STIM1: variants seen among roughly 807,000 people sequenced by gnomAD.
The protein encoded by STIM1 is stromal interaction molecule 1.
Under a neutral mutation model 74.7 loss-of-function variants are expected in STIM1, and 25 were observed. That is an observed-to-expected ratio of 0.33 (90% confidence interval 0.24 to 0.47). The LOEUF (loss-of-function observed/expected upper bound fraction) is 0.47. STIM1 is among the 20% of genes least tolerant of loss of function. STIM1 has a pLI of 1.00. For missense variants in STIM1, 728 were observed against 920.8 expected, an observed-to-expected ratio of 0.79 and a Z score of 2.71; for synonymous variants, 328 against 348.8, an observed-to-expected ratio of 0.94 and a Z score of 0.66.
chr11:3,882,297 C>T (rs1471597577), intron 1 of STIM1, among the ~76,000 whole-genome samples: 1 of 151,546 alleles, frequency 6.6e-6, no homozygotes, highest in African/African-American at 2.4e-5. Flanking sequence ...CGGGGTTTCT[C>T]CATGTTGGCC....
chr11:4,000,774 A>G (rs1355645649), intron 2 of STIM1, among the ~76,000 whole-genome samples: 3 of 150,104 alleles, frequency 2.0e-5, no homozygotes, highest in Non-Finnish European at 4.5e-5. Context: ...GGCTTCAGAC[A>G]ATCAAACTAC....
At chr11:3,979,292 GC>G (rs2093478994) in intron 2 of STIM1, among the ~76,000 whole-genome samples, 1 of 152,100 alleles carries the variant, frequency 6.6e-6, no homozygotes, top group African/African-American at 2.4e-5. Flanking sequence ...CTCCCGGAAA[GC>G]CCATGTTGTA....
At chr11:4,020,332 A>G (rs2093944172) in intron 2 of STIM1, among the ~76,000 whole-genome samples, 1 of 152,126 alleles carries the variant, frequency 6.6e-6, no homozygotes, top group Non-Finnish European at 1.5e-5. Flanking sequence ...GGATTTCTGG[A>G]TCATATGGTA....
rs1183064601 is a variant in STIM1, at chr11:4,068,077, T to C, written c.614-1949T>C. On this transcript the variant is annotated intron_variant, in intron 5 of 12. Coordinates refer to ENST00000526596, the MANE Select transcript of STIM1 (RefSeq NM_001382567.1). ...TGGATATTTGTATATTTAAGTGGAG[T>C]CAAAACTAGTTGAAGGAATCCAGTG... 2.0e-5 allele frequency among the ~76,000 whole-genome samples: 3 copies of C among 152,208 alleles called. No homozygotes were observed. In the East Asian group the frequency reaches 5.8e-4, roughly 29 times the overall value.
chr11:3,893,302 T>A (rs2091952533), intron 1 of STIM1, among the ~76,000 whole-genome samples: 1 of 152,256 alleles, frequency 6.6e-6, no homozygotes, highest in African/African-American at 2.4e-5. Flanking sequence ...TGTTTTTGAA[T>A]GAATAAATGA....
At chr11:4,081,780 C>T (rs1391208441) in intron 7 of STIM1, among the ~76,000 whole-genome samples, 1 of 152,194 alleles carries the variant, frequency 6.6e-6, no homozygotes, top group Non-Finnish European at 1.5e-5. Context: ...AGATTCCTGA[C>T]CAGTGCTTTT....
chr11:3,899,110 A>G (rs1277779113), intron 1 of STIM1, among the ~76,000 whole-genome samples: 5 of 152,218 alleles, frequency 3.3e-5, no homozygotes, highest in Admixed American at 3.3e-4. Context: ...CTTGGGCAGC[A>G]TGGCCATTTT....
intron 1 of STIM1, among the ~76,000 whole-genome samples, chr11:3,948,083 C>T (rs1298557802): frequency 6.6e-6 from 1 of 152,158 alleles, no homozygotes; most frequent in Non-Finnish European, 1.5e-5. Context: ...TAGAAGAGCT[C>T]TTATGAGGTG....
At chr11:4,016,055 A>T (rs559106365) in intron 2 of STIM1, among the ~76,000 whole-genome samples, 1 of 152,306 alleles carries the variant, frequency 6.6e-6, no homozygotes, top group African/African-American at 2.4e-5. Context: ...TCAACTCGTT[A>T]AACTCATCCT....
chr11:4,025,554 C>T (rs1464611283), intron 3 of STIM1, among the ~76,000 whole-genome samples: 1 of 152,152 alleles, frequency 6.6e-6, no homozygotes, highest in Non-Finnish European at 1.5e-5. Flanking sequence ...TTTTGGCTTT[C>T]TTATTTTTCT....
chr11:4,005,354 C>A (rs372309277), intron 2 of STIM1, among the ~76,000 whole-genome samples: 39 of 152,210 alleles, frequency 2.6e-4, no homozygotes, highest in Middle Eastern at 3.4e-3. Flanking sequence ...CAATGATAGA[C>A]TGGATTAAGA....
At chr11:3,992,891 A>C (rs188225881) in intron 2 of STIM1, among the ~76,000 whole-genome samples, 1 of 152,264 alleles carries the variant, frequency 6.6e-6, no homozygotes, top group African/African-American at 2.4e-5. Flanking sequence ...ATAATTCATA[A>C]TTTTTCCTCA....
Position 3,995,979 on chromosome 11 carries a change from T to G in STIM1, c.271-27894T>G, listed in dbSNP as rs1359309388. 1.2e-4 allele frequency among the ~76,000 whole-genome samples: 18 copies of G among 152,252 alleles called. No individual in the cohort carries two copies. The South Asian group carries it at 3.5e-3, about 30-fold the overall frequency. On this transcript the variant is annotated intron_variant, in intron 2 of 12. Coordinates refer to ENST00000526596, the MANE Select transcript of STIM1 (RefSeq NM_001382567.1). ...CCAGCTGTCTCTTTCCCTAGTTATC[T>G]CCAGCAAATTCTCTAGTCTACAGTT...
chr11:3,991,604 T>C (rs1269672483), intron 2 of STIM1, among the ~76,000 whole-genome samples: 1 of 152,060 alleles, frequency 6.6e-6, no homozygotes, highest in Non-Finnish European at 1.5e-5. Context: ...TATACAGTAA[T>C]GGAATTGCTG....
At chr11:4,016,979 G>A (rs965396122) in intron 2 of STIM1, among the ~76,000 whole-genome samples, 4 of 152,212 alleles carry the variant, frequency 2.6e-5, no homozygotes, top group African/African-American at 7.2e-5. Flanking sequence ...AGTCACTCAC[G>A]GCTTCCCTTT....
At chr11:3,957,583 G>A (rs779809068) in intron 1 of STIM1, among the ~76,000 whole-genome samples, 2 of 151,382 alleles carry the variant, frequency 1.3e-5, no homozygotes, top group Non-Finnish European at 2.9e-5. Context: ...GTTGAGACAG[G>A]TTCTTGCTTT....
intron 1 of STIM1, among the ~76,000 whole-genome samples, chr11:3,906,078 G>C (rs933795211): frequency 7.2e-5 from 11 of 152,228 alleles, no homozygotes; most frequent in African/African-American, 2.4e-4. Flanking sequence ...GGCCCTAGCT[G>C]CTGTGTGCTA....
At chr11:3,891,669 A>G (rs2091900630) in intron 1 of STIM1, among the ~76,000 whole-genome samples, 1 of 152,220 alleles carries the variant, frequency 6.6e-6, no homozygotes, top group Admixed American at 6.5e-5. Flanking sequence ...TCTTCATTTC[A>G]TTAAAAAAAG....
In STIM1 at chr11:4,059,389, T is replaced by C. The variant is rs780791958; in HGVS notation, c.606T>C (p.Pro202=). The C allele has an allele frequency of 1.2e-6, 2 of 1,613,838 alleles. No homozygotes were observed. The highest frequency in any genetic ancestry group is 2.2e-5 in the East Asian group (1 of 44,876). Residue 202 remains proline (P), a synonymous_variant, in exon 5 of 13, where the codon CCT becomes CCC. Transcript: ENST00000526596. ...LKALDTVLFG[P]PLLTRHNHLK... ...CTCTGGATACAGTGCTCTTTGGGCC[T>C]CCTCTCTGTGAGTCTTGTGTTGAGA... is the stretch of plus-strand genomic sequence containing the variant.
Sources: gnomAD v4.1 joint callset for allele counts (sites outside exome capture counted in the v4.1 genomes callset) on GRCh38, gnomAD v4.1.1 for gene constraint, MANE v1.5 for transcripts, NCBI Gene and HGNC (gene_info 2026-07-23, HGNC 2026-07-21) for gene names.